CACUL1: variants seen among roughly 807,000 people sequenced by gnomAD.
CACUL1 encodes the protein CDK2-associated and cullin domain-containing protein 1.
In CACUL1, 13 loss-of-function variants were observed where a neutral mutation model predicts 45.2. That is an observed-to-expected ratio of 0.29 (90% confidence interval 0.19 to 0.46). CACUL1 has a LOEUF of 0.46. CACUL1 is among the 20% of genes least tolerant of loss of function. The pLI is 1.00. For synonymous variants in CACUL1, 197 were observed against 174.2 expected, an observed-to-expected ratio of 1.13 and a Z score of -1.03; for missense variants, 421 against 471.4, an observed-to-expected ratio of 0.89 and a Z score of 0.99.
At chr10:118,733,236 C>CA (rs1845713315) in intron 1 of CACUL1, among the ~76,000 whole-genome samples, 1 of 152,104 alleles carries the variant, frequency 6.6e-6, no homozygotes. Flanking sequence ...ACAGTGACTG[C>CA]TGATGCTTTT....
intron 3 of CACUL1, 92 bp downstream of exon 3, chr10:118,729,203 A>G: frequency 1.3e-6 from 1 of 770,380 alleles, no homozygotes; most frequent in Non-Finnish European, 2.2e-6. Context: ...TCATAATCAA[A>G]TTAACAAGCT....
chr10:118,714,290 T>C (rs966337004), intron 3 of CACUL1, among the ~76,000 whole-genome samples: 14 of 152,180 alleles, frequency 9.2e-5, no homozygotes, highest in African/African-American at 3.4e-4. Context: ...ACATCACACA[T>C]TGGTCATTTG....
chr10:118,692,090 CAAT>C (rs892047022), intron 6 of CACUL1, among the ~76,000 whole-genome samples: 2 of 151,942 alleles, frequency 1.3e-5, no homozygotes, highest in East Asian at 3.9e-4. Context: ...TTAATTAAAA[CAAT>C]ATATAGCCCA....
Position 118,754,920 on chromosome 10 carries a change from G to T in CACUL1, c.-158C>A. The T allele has an allele frequency of 9.6e-7, 1 of 1,043,818 alleles. No homozygotes were observed. Among genetic ancestry groups the T allele is most frequent in the Non-Finnish European group, 1.3e-6 (1 of 757,040 alleles). The allele number at this position is 1,043,818 out of a possible 1,614,324, so 64.7% of individuals were successfully genotyped here. Reference sequence around the variant, plus strand: ...GCGCAGGGTCTCTCGCTCTCCGCGGGGCCGACTAGCTTGAAGACGCGGCTG... The same window carrying T: ...GCGCAGGGTCTCTCGCTCTCCGCGGTGCCGACTAGCTTGAAGACGCGGCTG... On this transcript the variant is annotated 5_prime_UTR_variant, in exon 1 of 9. Coordinates refer to ENST00000369151, the MANE Select transcript of CACUL1 (RefSeq NM_153810.5).
intron 5 of CACUL1, among the ~76,000 whole-genome samples, chr10:118,700,634 G>A (rs924952215): frequency 2.7e-5 from 4 of 149,418 alleles, no homozygotes; most frequent in Admixed American, 6.9e-5. Flanking sequence ...GGAGAATGGC[G>A]TGAACCCGAG....
chr10:118,734,636 GGTGAGGGC>G (rs2119651890), intron 1 of CACUL1, among the ~76,000 whole-genome samples: 1 of 152,302 alleles, frequency 6.6e-6, no homozygotes, highest in South Asian at 2.1e-4. Flanking sequence ...TAAGAAAAGT[GGTGAGGGC>G]TTTATTGAAC....
intron 1 of CACUL1, among the ~76,000 whole-genome samples, chr10:118,748,142 T>G (rs1353864417): frequency 2.6e-5 from 4 of 152,104 alleles, no homozygotes; most frequent in Non-Finnish European, 5.9e-5. Flanking sequence ...GACAGAAATG[T>G]TCTCTTGGTT....
intron 1 of CACUL1, among the ~76,000 whole-genome samples, chr10:118,751,937 T>C (rs915582988): frequency 2.0e-5 from 3 of 152,194 alleles, no homozygotes; most frequent in African/African-American, 7.2e-5. Context: ...GTTTTGTTGC[T>C]ATTATTACAT....
intron 5 of CACUL1, among the ~76,000 whole-genome samples, chr10:118,698,486 A>C (rs1845345450): frequency 6.6e-6 from 1 of 152,122 alleles, no homozygotes; most frequent in Admixed American, 6.6e-5. Context: ...CCTCTCCTGG[A>C]ATTTGGGCTC....
intron 3 of CACUL1, among the ~76,000 whole-genome samples, chr10:118,719,555 T>C (rs1845581530): frequency 6.6e-6 from 1 of 152,214 alleles, no homozygotes; most frequent in Non-Finnish European, 1.5e-5. Flanking sequence ...CTCACACCTG[T>C]AATCCCAGCA....
chr10:118,726,283 T>G (rs767903092), intron 3 of CACUL1: 101 of 1,270,766 alleles, frequency 7.9e-5, no homozygotes, highest in Non-Finnish European at 1.0e-4. Flanking sequence ...CTTACAAATC[T>G]AGAGAGCACA....
At chr10:118,725,924 A>G (rs1187521219) in intron 3 of CACUL1, among the ~76,000 whole-genome samples, 3 of 152,212 alleles carry the variant, frequency 2.0e-5, no homozygotes, top group Non-Finnish European at 4.4e-5. Context: ...ATAAAAATAA[A>G]TAAGTCCCTC....
rs1845099589 is a variant in CACUL1, at chr10:118,676,580, G to A, written c.*9548C>T. On this transcript the variant is annotated 3_prime_UTR_variant, in exon 9 of 9. Coordinates refer to ENST00000369151, the MANE Select transcript of CACUL1 (RefSeq NM_153810.5). The stretch of plus-strand genomic sequence containing the variant: ...TACAATAGTCATTAAAACCAAGCAT[G>A]AAAATAAACTTACCTTAAGAACATT... 1 of 152,092 alleles carries A rather than the reference G, an allele frequency of 6.6e-6. No individual in the cohort carries two copies. The highest frequency in any genetic ancestry group is 1.5e-5 in the Non-Finnish European group (1 of 68,018). 9.4% of individuals were successfully genotyped at this position (152,092 alleles called of 1,614,324 possible). A position where few individuals can be genotyped will look rare whatever the true frequency, so the allele number is the denominator to read the frequency against.
chr10:118,693,001 A>C (rs1003393469), intron 6 of CACUL1: 6 of 152,290 alleles, frequency 3.9e-5, no homozygotes, highest in African/African-American at 1.2e-4. Flanking sequence ...GAGAACCACT[A>C]ATCAGTCACA....
intron 5 of CACUL1, among the ~76,000 whole-genome samples, chr10:118,700,716 C>CAAAAAAAAA (rs59032746): frequency 3.5e-4 from 47 of 132,858 alleles, no homozygotes; most frequent in African/African-American, 8.5e-4. Context: ...GACTCCGTCT[C>CAAAAAAAAA]AAAAAAAAAA....
chr10:118,718,676 C>T (rs12411609), intron 3 of CACUL1, among the ~76,000 whole-genome samples: 19,095 of 152,184 alleles, frequency 0.13, 1,434 homozygotes, highest in Admixed American at 0.26. Context: ...CCCGGGTTCA[C>T]GACTTTCTCC....
At chr10:118,690,215 G>A (rs533348206) in intron 7 of CACUL1, among the ~76,000 whole-genome samples, 175 of 150,306 alleles carry the variant, frequency 1.2e-3, no homozygotes, top group Middle Eastern at 6.9e-3. Flanking sequence ...GCAGGAGAAT[G>A]GCGTGAACCC....
At chr10:118,746,423 T>C (rs1214797957) in intron 1 of CACUL1, among the ~76,000 whole-genome samples, 3 of 152,178 alleles carry the variant, frequency 2.0e-5, no homozygotes, top group Non-Finnish European at 4.4e-5. Flanking sequence ...AAACGGAGCC[T>C]CAATCCTTAT....
chr10:118,698,911 T>C (rs1389625023), intron 5 of CACUL1, among the ~76,000 whole-genome samples: 1 of 54,986 alleles, frequency 1.8e-5, no homozygotes, highest in Admixed American at 2.1e-4. Flanking sequence ...AAATTGAATG[T>C]AGTTATTTTT....
Sources: allele counts gnomAD v4.1 joint callset (sites outside exome capture counted in the v4.1 genomes callset), GRCh38; gene constraint gnomAD v4.1.1; transcripts MANE v1.5; gene names NCBI Gene and HGNC (gene_info 2026-07-23, HGNC 2026-07-21).